SPINT3: variants seen among roughly 807,000 people sequenced by gnomAD.
SPINT3 encodes serine peptidase inhibitor, Kunitz type 3.
Under a neutral mutation model 3.3 loss-of-function variants are expected in SPINT3, and 4 were observed. The ratio of observed to expected loss-of-function variants is 1.22; its 90% CI spans 0.60 to 2.79. The LOEUF (loss-of-function observed/expected upper bound fraction) is 2.79, where lower values mean the gene tolerates loss of function less well. Ranked by LOEUF, SPINT3 falls within the 30% of genes most tolerant of loss-of-function variation. SPINT3 has a pLI of 0.01. For missense variants in SPINT3, 97 were observed against 104.3 expected, an observed-to-expected ratio of 0.93 and a Z score of 0.31; for synonymous variants, 30 against 38.6, an observed-to-expected ratio of 0.78 and a Z score of 0.83.
In SPINT3 at chr20:45,515,168, C is replaced by T. The variant is rs903789446; in HGVS notation, c.76+365G>A. ...CTCTGATCTCCTTTTCCCAACCTCT[C>T]CTTGCCTGCCACCAGCCCCACCCCA... On this transcript the variant is annotated intron_variant, in intron 1 of 1. Coordinates refer to ENST00000217428, the MANE Select transcript of SPINT3 (RefSeq NM_006652.2). Among the ~76,000 whole-genome samples the T allele has an allele frequency of 3.5e-4, 53 of 152,200 alleles. 1 individual carries two copies. Among genetic ancestry groups the T allele is most frequent in the South Asian group, 2.1e-4 (1 of 4,820 alleles).
chr20:45,513,372 G>A (rs1978789623), intron 1 of SPINT3, among the ~76,000 whole-genome samples: 1 of 152,208 alleles, frequency 6.6e-6, no homozygotes, highest in African/African-American at 2.4e-5. Context: ...TTCTAGCTAT[G>A]TGATCTTGGA....
At chr20:45,515,047 G>A (rs1378324796) in intron 1 of SPINT3, among the ~76,000 whole-genome samples, 1 of 151,932 alleles carries the variant, frequency 6.6e-6, no homozygotes, top group African/African-American at 2.4e-5. Flanking sequence ...ACTTCCATTT[G>A]CAGATTCCAA....
intron 1 of SPINT3, 54 bp downstream of exon 1, chr20:45,515,479 G>GC (rs1490451136): frequency 3.2e-5 from 28 of 879,706 alleles, no homozygotes; most frequent in African/African-American, 4.2e-5. Context: ...CCACCACCCC[G>GC]CCCCCCAGCC....
intron 1 of SPINT3, among the ~76,000 whole-genome samples, chr20:45,513,085 A>C (rs902121661): frequency 2.0e-5 from 3 of 152,234 alleles, no homozygotes; most frequent in African/African-American, 7.2e-5. Flanking sequence ...AAGTGGATTG[A>C]GATCCTCGCG....
chr20:45,512,494 G>T lies in SPINT3; in HGVS notation c.*157C>A. ...CAACATTTATAGAATTTCAGGCACAGAGATGAAGCACTTGTAGGAGCACAT... is the reference window on the plus strand; with the variant it reads ...CAACATTTATAGAATTTCAGGCACATAGATGAAGCACTTGTAGGAGCACAT... On this transcript the variant is annotated 3_prime_UTR_variant, in exon 2 of 2. Coordinates refer to ENST00000217428, the MANE Select transcript of SPINT3 (RefSeq NM_006652.2). The T allele has an allele frequency of 1.5e-6, 1 of 688,170 alleles. No homozygotes were observed. The highest frequency in any genetic ancestry group is 2.4e-6 in the Non-Finnish European group (1 of 418,860). 42.6% of individuals were successfully genotyped at this position (688,170 alleles called of 1,614,324 possible).
chr20:45,512,765 C>G lies in SPINT3; in HGVS notation c.156G>C (p.Trp52Cys). ...KGPCQTYMTR[W>C]FFNFETGECE... ...ATTCACCAGTTTCAAAGTTGAAAAA[C>G]CATCGCGTCATGTAGGTTTGACAAG... The change falls in exon 2 of 2, where the codon TGG becomes TGC. Residue 52 changes from tryptophan (W) to cysteine (C), a missense_variant. Transcript: ENST00000217428. The G allele has an allele frequency of 6.4e-7, 1 of 1,551,714 alleles. No individual in the cohort carries two copies. The highest frequency in any genetic ancestry group is 8.7e-7 in the Non-Finnish European group (1 of 1,146,990).
chr20:45,514,682 T>C (rs2145528016), intron 1 of SPINT3, among the ~76,000 whole-genome samples: 1 of 152,366 alleles, frequency 6.6e-6, no homozygotes, highest in African/African-American at 2.4e-5. Context: ...CAGTTGATAC[T>C]GCTGCTGCTA....
rs6032259 is a variant in SPINT3, at chr20:45,512,691, A to G, written c.230T>C (p.Leu77Ser). Residue 77 changes from leucine to serine, a missense_variant, in exon 2 of 2, where the codon TTG becomes TCG. Leu to Ser is a moderately radical substitution (Grantham distance 145, BLOSUM62 -2). Transcript: ENST00000217428. ...GGCGGNSNNF[L>S]RKEKCEKFCK... ...GAATTTCTCACATTTTTCTTTCCTCAAAAAGTTGTTGCTGTTGCCTCCGCA... is the reference window on the plus strand; with the variant it reads ...GAATTTCTCACATTTTTCTTTCCTCGAAAAGTTGTTGCTGTTGCCTCCGCA... The G allele has an allele frequency of 0.52, 799,947 of 1,551,248 alleles. 208,181 individuals carry two copies. Among genetic ancestry groups the G allele is most frequent in the African/African-American group, 0.55 (39,978 of 73,044 alleles).
At chr20:45,514,467 G>GCA (rs914969172) in intron 1 of SPINT3, among the ~76,000 whole-genome samples, 1 of 152,200 alleles carries the variant, frequency 6.6e-6, no homozygotes, top group Admixed American at 6.5e-5. Flanking sequence ...TGTTCCTGAG[G>GCA]CACAGAGTTT....
chr20:45,512,616 C>T lies in SPINT3; in HGVS notation c.*35G>A. On this transcript the variant is annotated 3_prime_UTR_variant, in exon 2 of 2. Coordinates refer to ENST00000217428, the MANE Select transcript of SPINT3 (RefSeq NM_006652.2). ...GCCTTCTATGGCCCTCAGAGCAATC[C>T]CGAATCCATGGAGGGCTGTGTTCTT... 6.5e-7 allele frequency: 1 copy of T among 1,545,198 alleles called. No homozygotes were observed. The highest frequency in any genetic ancestry group is 8.7e-7 in the Non-Finnish European group (1 of 1,142,968).
chr20:45,514,624 C>T (rs1412852047), intron 1 of SPINT3, among the ~76,000 whole-genome samples: 1 of 152,048 alleles, frequency 6.6e-6, no homozygotes, highest in African/African-American at 2.4e-5. Flanking sequence ...TTAGAGAGAC[C>T]CACCTCCACA....
At chr20:45,515,491 G>T (rs142363498) in intron 1 of SPINT3, 42 bp downstream of exon 1, 6 of 1,498,036 alleles carry the variant, frequency 4.0e-6, no homozygotes, top group Non-Finnish European at 4.5e-6. Flanking sequence ...CCCCCAGCCT[G>T]ATTCCCAGTC....
In SPINT3 at chr20:45,512,560, T is replaced by A; in HGVS notation, c.*91A>T. On this transcript the variant is annotated 3_prime_UTR_variant, in exon 2 of 2. Transcript: ENST00000217428. ...TGGGGGTAGAGGAATGAACCTCTTG[T>A]TCACACACACACACACACACACACG... 8.8e-7 allele frequency: 1 copy of A among 1,131,322 alleles called. No individual in the cohort carries two copies. The highest frequency in any genetic ancestry group is 1.6e-5 in the South Asian group (1 of 62,968). 70.1% of individuals were successfully genotyped at this position (1,131,322 alleles called of 1,614,324 possible).
At chr20:45,514,866 C>G (rs977769067) in intron 1 of SPINT3, among the ~76,000 whole-genome samples, 2 of 152,206 alleles carry the variant, frequency 1.3e-5, no homozygotes, top group African/African-American at 4.8e-5. Flanking sequence ...GTGATAATCT[C>G]CAGAGGGTAA....
chr20:45,513,664 C>T (rs1222363733), intron 1 of SPINT3, among the ~76,000 whole-genome samples: 2 of 152,210 alleles, frequency 1.3e-5, no homozygotes, highest in Non-Finnish European at 2.9e-5. Flanking sequence ...ACCACCACCA[C>T]CACCCCACTG....
At position 45,512,699 on chromosome 20, in the gene SPINT3, G is replaced by A; in HGVS notation, c.222C>T (p.Asn74=). ...CACATTTTTCTTTCCTCAAAAAGTT[G>A]TTGCTGTTGCCTCCGCAGCCTCCGT... The part of the protein sequence containing the change: ...FAYGGCGGNS[N]NFLRKEKCEK... Residue 74 remains asparagine, a synonymous_variant, in exon 2 of 2, where the codon AAC becomes AAT. Coordinates refer to ENST00000217428, the MANE Select transcript of SPINT3 (RefSeq NM_006652.2). 6.4e-7 allele frequency: 1 copy of A among 1,551,592 alleles called. No homozygotes were observed. The highest frequency in any genetic ancestry group is 8.7e-7 in the Non-Finnish European group (1 of 1,146,966).
chr20:45,512,894 G>C (rs1223985528), intron 1 of SPINT3, 50 bp from the exon 2 acceptor site: 1 of 1,473,384 alleles, frequency 6.8e-7, no homozygotes, highest in East Asian at 2.5e-5. Context: ...CCTTCTCCTT[G>C]TTTGCCTCAT....
chr20:45,513,714 C>T (rs1183598497), intron 1 of SPINT3, among the ~76,000 whole-genome samples: 1 of 152,200 alleles, frequency 6.6e-6, no homozygotes, highest in Non-Finnish European at 1.5e-5. Context: ...TTTGTACCCT[C>T]CTTTTATGTT....
chr20:45,512,674 C>T lies in SPINT3; in HGVS notation c.247G>A (p.Glu83Lys). The T allele has an allele frequency of 6.4e-7, 1 of 1,551,626 alleles. No homozygotes were observed. Among genetic ancestry groups the T allele is most frequent in the East Asian group, 2.4e-5 (1 of 40,922 alleles). ...AATCAGGTGAACTTGCAGAATTTCT[C>T]ACATTTTTCTTTCCTCAAAAAGTTG... The part of the protein sequence containing the change: ...SNNFLRKEKC[E>K]KFCKFT The change falls in exon 2 of 2, where the codon GAG becomes AAG. Residue 83 changes from glutamate to lysine, a missense_variant. By Grantham distance (56) the Glu-to-Lys change is moderately conservative (BLOSUM62 1). Coordinates refer to ENST00000217428, the MANE Select transcript of SPINT3 (RefSeq NM_006652.2).
Sources: gnomAD v4.1 joint callset for allele counts (sites outside exome capture counted in the v4.1 genomes callset) on GRCh38, gnomAD v4.1.1 for gene constraint, MANE v1.5 for transcripts, NCBI Gene and HGNC (gene_info 2026-07-23, HGNC 2026-07-21) for gene names.